Variants in IFIT1 observed in about 807,000 individuals in gnomAD.
IFIT1 encodes the protein interferon induced protein with tetratricopeptide repeats 1.
A neutral mutation model predicts 2.5 loss-of-function variants in IFIT1; 1 was observed. The observed-to-expected ratio is 0.40, with a 90% confidence interval of 0.14 to 1.92. IFIT1 has a LOEUF of 1.92. Ranked by LOEUF, IFIT1 falls within the 40% of genes most tolerant of loss-of-function variation. The pLI is 0.31. For missense variants in IFIT1, 508 were observed against 557.8 expected (o/e 0.91, Z 0.90); for synonymous variants, 191 against 201.7 (o/e 0.95, Z 0.45).
Position 89,403,225 on chromosome 10 carries a change from A to C in IFIT1, c.950A>C (p.Lys317Thr), listed in dbSNP as rs1844468770. 4.3e-6 allele frequency: 7 copies of C among 1,614,222 alleles called. No individual in the cohort carries two copies. Among genetic ancestry groups the C allele is most frequent in the Non-Finnish European group, 5.1e-6 (6 of 1,180,038 alleles). The change falls in exon 2 of 2, where the codon AAG becomes ACG. Residue 317 changes from lysine to threonine, a missense_variant. Physicochemically the swap from Lys to Thr is moderately conservative, Grantham distance 78 (BLOSUM62 -1). Transcript: ENST00000371804. Reference protein sequence around the residue: ...KGQPRGQNREKLDKMIRSAIF... With the variant: ...KGQPRGQNRETLDKMIRSAIF... ...CAGCCTAGAGGGCAGAACAGAGAAA[A>C]GCTAGACAAAATGATAAGATCAGCC...
chr10:89,398,429 G>A (rs905589565), intron 1 of IFIT1, among the ~76,000 whole-genome samples: 11 of 152,142 alleles, frequency 7.2e-5, no homozygotes, highest in African/African-American at 9.7e-5. Context: ...CCAGCTTCTC[G>A]GGGATGTTCT....
chr10:89,402,880 C>G lies in IFIT1; in HGVS notation c.605C>G (p.Ser202Cys). ...KLATKNHKPF[S>C]LLPLRQAVRL... ...GCCACAAAAAATCACAAGCCATTTT[C>G]TTTGCTTCCCCTAAGGCAGGCTGTC... Residue 202 changes from serine (S) to cysteine (C), a missense_variant, in exon 2 of 2, where the codon TCT (serine) becomes TGT (cysteine). Coordinates refer to ENST00000371804, the MANE Select transcript of IFIT1 (RefSeq NM_001548.5). The G allele has an allele frequency of 6.2e-7, 1 of 1,614,200 alleles. No individual in the cohort carries two copies. The highest frequency in any genetic ancestry group is 8.5e-7 in the Non-Finnish European group (1 of 1,180,038).
chr10:89,392,782 T>C, intron 1 of IFIT1, 65 bp downstream of exon 1: 1 of 1,516,862 alleles, frequency 6.6e-7, no homozygotes, highest in Non-Finnish European at 9.2e-7. Context: ...AATTAAATAC[T>C]ATTTCAACAG....
At chr10:89,394,577 AATATATATATATATATATATAT>A (rs200060906) in intron 1 of IFIT1, among the ~76,000 whole-genome samples, 2,490 of 108,720 alleles carry the variant, frequency 0.023, 100 homozygotes, top group Middle Eastern at 0.049. Context: ...ACTACAGGAA[AATATATATATATATATATATAT>A]ATATATATAT....
rs754762215 is a variant in IFIT1, at chr10:89,405,259, T to C, written c.*1547T>C. 6.6e-6 allele frequency: 1 copy of C among 152,212 alleles called. No individual in the cohort carries two copies. Among genetic ancestry groups the C allele is most frequent in the Non-Finnish European group, 1.5e-5 (1 of 68,032 alleles). 9.4% of individuals were successfully genotyped at this position (152,212 alleles called of 1,614,324 possible). A position where few individuals can be genotyped will look rare whatever the true frequency, so the allele number is the denominator to read the frequency against. On this transcript the variant is annotated 3_prime_UTR_variant, in exon 2 of 2. Transcript: ENST00000371804. ...CTACTTACTAAGTCATTTGCTGATA[T>C]TAATCTAGTTAAATCAAGAAATATT...
In IFIT1 at chr10:89,392,672, A is replaced by G. The variant is rs574981720; in HGVS notation, c.-41A>G. 6.2e-7 allele frequency: 1 copy of G among 1,613,226 alleles called. No homozygotes were observed. Among genetic ancestry groups the G allele is most frequent in the South Asian group, 1.1e-5 (1 of 91,062 alleles). On this transcript the variant is annotated 5_prime_UTR_variant, in exon 1 of 2. Transcript: ENST00000371804. ...AGCCAGATCTCAGAGGAGCCTGGCT[A>G]AGCAAAACCCTGCAGAACGGCTGCC...
chr10:89,401,938 A>G (rs1310010565), intron 1 of IFIT1, among the ~76,000 whole-genome samples: 1 of 152,230 alleles, frequency 6.6e-6, no homozygotes, highest in African/African-American at 2.4e-5. Context: ...TATTAAAATA[A>G]GAAACTCTTA....
intron 1 of IFIT1, 119 bp downstream of exon 1, chr10:89,392,836 G>C (rs303218): frequency 9.9e-7 from 1 of 1,014,326 alleles, no homozygotes. Context: ...CTCGATTTGA[G>C]TATCTGCTTA....
At chr10:89,395,850 G>A (rs540130342) in intron 1 of IFIT1, among the ~76,000 whole-genome samples, 9 of 152,114 alleles carry the variant, frequency 5.9e-5, no homozygotes, top group African/African-American at 1.9e-4. Flanking sequence ...TGACCTTTTG[G>A]ATCAGTTTTT....
chr10:89,394,064 T>A (rs1369545079), intron 1 of IFIT1, among the ~76,000 whole-genome samples: 2 of 152,168 alleles, frequency 1.3e-5, no homozygotes, highest in Admixed American at 1.3e-4. Context: ...ACAATGGGGA[T>A]ACACTCTGAG....
At chr10:89,396,771 A>G (rs1228724414) in intron 1 of IFIT1, among the ~76,000 whole-genome samples, 1 of 152,218 alleles carries the variant, frequency 6.6e-6, no homozygotes, top group Non-Finnish European at 1.5e-5. Context: ...ATTGTAGCCA[A>G]CTTACTGGGT....
In IFIT1 at chr10:89,404,205, CAAAG is replaced by C. The variant is rs1844492685; in HGVS notation, c.*496_*499del. ...GAGTTAAACAGAAACCCATGGAAAA[CAAAG>C]AACAGAAGACTCACTCCTTGGCTGA... On this transcript the variant is annotated 3_prime_UTR_variant, in exon 2 of 2. Coordinates refer to ENST00000371804, the MANE Select transcript of IFIT1 (RefSeq NM_001548.5). The C allele has an allele frequency of 6.6e-6, 1 of 152,534 alleles. No homozygotes were observed. The highest frequency in any genetic ancestry group is 1.5e-5 in the Non-Finnish European group (1 of 68,348). 9.4% of individuals were successfully genotyped at this position (152,534 alleles called of 1,614,324 possible).
At chr10:89,401,334 T>A (rs1844420310) in intron 1 of IFIT1, among the ~76,000 whole-genome samples, 1 of 152,126 alleles carries the variant, frequency 6.6e-6, no homozygotes. Flanking sequence ...GTTGGTCAGC[T>A]GGTCTCAAAC....
intron 1 of IFIT1, among the ~76,000 whole-genome samples, chr10:89,396,339 A>C (rs1393026698): frequency 6.6e-6 from 1 of 152,232 alleles, no homozygotes; most frequent in Non-Finnish European, 1.5e-5. Context: ...AGGTTTATTT[A>C]GCTCACAGTT....
chr10:89,401,978 A>C (rs1335768745), intron 1 of IFIT1, among the ~76,000 whole-genome samples: 1 of 152,196 alleles, frequency 6.6e-6, no homozygotes, highest in Non-Finnish European at 1.5e-5. Flanking sequence ...TAAGTGCTTG[A>C]CACATATAAG....
Position 89,403,403 on chromosome 10 carries a change from A to G in IFIT1, c.1128A>G (p.Thr376=). ...LLCMKPVVEE[T]MQDIHFHYGR... The stretch of plus-strand genomic sequence containing the variant: ...GCATGAAACCAGTGGTAGAAGAAAC[A>G]ATGCAAGACATACATTTCCACTATG... Residue 376 remains threonine, a synonymous_variant, in exon 2 of 2, where the codon ACA becomes ACG. Transcript: ENST00000371804. 6.2e-7 allele frequency: 1 copy of G among 1,613,796 alleles called. No individual in the cohort carries two copies. Among genetic ancestry groups the G allele is most frequent in the Non-Finnish European group, 8.5e-7 (1 of 1,179,882 alleles).
chr10:89,401,886 A>C (rs1301931341), intron 1 of IFIT1, among the ~76,000 whole-genome samples: 2 of 152,186 alleles, frequency 1.3e-5, no homozygotes, highest in Non-Finnish European at 2.9e-5. Context: ...ATGTTTCCTA[A>C]GGTTCTGCAT....
rs566145988 is a variant in IFIT1 at position 89,399,176 on chromosome 10, T to C, written c.6-3105T>C. The stretch of plus-strand genomic sequence containing the variant: ...TATTGGCCATTTGTATATTTTCTTT[T>C]GGGAAATGTCTATTTAAGTCCTTTG... On this transcript the variant is annotated intron_variant, in intron 1 of 1. Transcript: ENST00000371804. 1.2e-4 allele frequency among the ~76,000 whole-genome samples: 18 copies of C among 152,336 alleles called. No individual in the cohort carries two copies. In the East Asian group the frequency reaches 1.7e-3, roughly 15 times the overall value.
intron 1 of IFIT1, among the ~76,000 whole-genome samples, chr10:89,394,671 T>C (rs1421402844): frequency 6.7e-6 from 1 of 148,580 alleles, no homozygotes; most frequent in Non-Finnish European, 1.5e-5. Context: ...TTTTTTATTG[T>C]GATAAAATAC....
Sources: gnomAD v4.1 joint callset for allele counts (sites outside exome capture counted in the v4.1 genomes callset) on GRCh38, gnomAD v4.1.1 for gene constraint, MANE v1.5 for transcripts, NCBI Gene and HGNC (gene_info 2026-07-23, HGNC 2026-07-21) for gene names.